HECW2: variants seen among roughly 807,000 people sequenced by gnomAD.
The protein encoded by HECW2 is E3 ubiquitin-protein ligase HECW2.
A neutral mutation model predicts 175.2 loss-of-function variants in HECW2; 61 were observed. The ratio of observed to expected loss-of-function variants is 0.35; its 90% CI spans 0.28 to 0.43. HECW2 has a LOEUF of 0.43. HECW2 is among the 20% of genes least tolerant of loss of function. The probability of loss-of-function intolerance (pLI) is 1.00; values close to 1 mark genes in which losing one functional copy is unlikely to be tolerated. For synonymous variants in HECW2, 671 were observed against 731.0 expected (o/e 0.92, Z 1.32); for missense variants, 1,524 against 2,000.5 (o/e 0.76, Z 4.54).
intron 1 of HECW2, among the ~76,000 whole-genome samples, chr2:196,521,282 CAAAAAAAAAAAAA>C (rs1158051512): frequency 1.9e-5 from 1 of 53,694 alleles, no homozygotes; most frequent in African/African-American, 5.3e-5. Flanking sequence ...ACGTGAGTAA[CAAAAAAAAAAAAA>C]AAAAAAAAAA....
chr2:196,454,506 A>G (rs1367980584), intron 1 of HECW2, among the ~76,000 whole-genome samples: 1 of 152,178 alleles, frequency 6.6e-6, no homozygotes, highest in East Asian at 1.9e-4. Flanking sequence ...CCTCACATTC[A>G]TTATTGCACA....
intron 1 of HECW2, among the ~76,000 whole-genome samples, chr2:196,506,402 G>A (rs1470914877): frequency 6.6e-6 from 1 of 152,144 alleles, no homozygotes; most frequent in Non-Finnish European, 1.5e-5. Context: ...GATGTATAAC[G>A]AAACTAATTT....
intron 2 of HECW2, among the ~76,000 whole-genome samples, chr2:196,354,296 C>T (rs1693282374): frequency 6.6e-6 from 1 of 152,226 alleles, no homozygotes; most frequent in Non-Finnish European, 1.5e-5. Context: ...CCACCGCATT[C>T]CCATCAGGGT....
intron 2 of HECW2, among the ~76,000 whole-genome samples, chr2:196,418,969 T>C (rs907690369): frequency 6.6e-6 from 1 of 152,190 alleles, no homozygotes; most frequent in African/African-American, 2.4e-5. Context: ...CATGGAATCA[T>C]CCTCAATAAA....
At chr2:196,538,561 G>A (rs889562615) in intron 1 of HECW2, among the ~76,000 whole-genome samples, 2 of 152,102 alleles carry the variant, frequency 1.3e-5, no homozygotes, top group African/African-American at 4.8e-5. Context: ...GATTAGTCTT[G>A]TATCAGGGAA....
chr2:196,446,276 T>C (rs1696183356), intron 1 of HECW2, among the ~76,000 whole-genome samples: 1 of 152,236 alleles, frequency 6.6e-6, no homozygotes, highest in Non-Finnish European at 1.5e-5. Context: ...TTCATGGTTT[T>C]ACCAAATGGC....
At chr2:196,472,350 G>T (rs1308436066) in intron 1 of HECW2, among the ~76,000 whole-genome samples, 1 of 151,072 alleles carries the variant, frequency 6.6e-6, no homozygotes, top group Non-Finnish European at 1.5e-5. Context: ...GGGTGGTCAG[G>T]GGCGGGGGGC....
intron 1 of HECW2, among the ~76,000 whole-genome samples, chr2:196,545,638 T>TAAC (rs2125474333): frequency 6.6e-6 from 1 of 152,324 alleles, no homozygotes; most frequent in East Asian, 1.9e-4. Context: ...CACCTGCCAC[T>TAAC]AACACAGTCT....
intron 2 of HECW2, among the ~76,000 whole-genome samples, chr2:196,350,636 T>C (rs1206961564): frequency 6.7e-6 from 1 of 150,006 alleles, no homozygotes; most frequent in Non-Finnish European, 1.5e-5. Context: ...ATTCATTCAT[T>C]TGACAGGTAT....
chr2:196,290,104 T>G (rs1326066759), intron 14 of HECW2: 2 of 152,168 alleles, frequency 1.3e-5, no homozygotes, highest in East Asian at 3.8e-4. Flanking sequence ...CAAACAGGAT[T>G]CTAATGTAAA....
intron 19 of HECW2, among the ~76,000 whole-genome samples, chr2:196,246,131 C>T (rs9808117): frequency 0.05 from 7,591 of 152,176 alleles, 614 homozygotes; most frequent in African/African-American, 0.17. Flanking sequence ...GCATAATTTG[C>T]AACACGAAGG....
chr2:196,200,548 GATTA>G lies in HECW2; in HGVS notation c.*725_*728del, dbSNP rs1251736106. The G allele has an allele frequency of 6.6e-6, 1 of 152,648 alleles. No individual in the cohort carries two copies. The highest frequency in any genetic ancestry group is 1.9e-4 in the East Asian group (1 of 5,192). The allele number at this position is 152,648 out of a possible 1,614,324, so 9.5% of individuals were successfully genotyped here. Reference sequence around the variant, plus strand: ...TGTGTACTTTTTCCTGATATGCTGTGATTAATTGCTAGTTATTTTAAAATTGTTT... The same window carrying G: ...TGTGTACTTTTTCCTGATATGCTGTGATTGCTAGTTATTTTAAAATTGTTT... On this transcript the variant is annotated 3_prime_UTR_variant, in exon 29 of 29. Transcript: ENST00000644978.
chr2:196,409,574 T>C (rs1272542359), intron 2 of HECW2, among the ~76,000 whole-genome samples: 1 of 152,182 alleles, frequency 6.6e-6, no homozygotes, highest in African/African-American at 2.4e-5. Flanking sequence ...AACTTAGTCA[T>C]AGTTCTAAAG....
In HECW2 at chr2:196,223,828, C is replaced by T. The variant is rs190339202; in HGVS notation, c.4017-1488G>A. ...GGCCAAAATAAGATAAGGGCTCTAACTAGGGCTGTGCTATTAAGGTTGGAG... is the reference window on the plus strand; with the variant it reads ...GGCCAAAATAAGATAAGGGCTCTAATTAGGGCTGTGCTATTAAGGTTGGAG... On this transcript the variant is annotated intron_variant, in intron 23 of 28. Transcript: ENST00000644978. Among the ~76,000 whole-genome samples the T allele has an allele frequency of 6.4e-4, 97 of 152,174 alleles. 1 individual carries two copies. The highest frequency in any genetic ancestry group is 1.3e-4 in the Non-Finnish European group (9 of 68,016).
intron 1 of HECW2, among the ~76,000 whole-genome samples, chr2:196,458,459 C>CAT (rs1456981577): frequency 6.6e-6 from 1 of 151,524 alleles, no homozygotes; most frequent in Admixed American, 6.6e-5. Context: ...CACACACACA[C>CAT]ATACACACAC....
At chr2:196,379,198 G>A (rs1475164203) in intron 2 of HECW2, among the ~76,000 whole-genome samples, 1 of 152,076 alleles carries the variant, frequency 6.6e-6, no homozygotes, top group Non-Finnish European at 1.5e-5. Flanking sequence ...TAAAACTAAT[G>A]CACTCTAAAT....
chr2:196,576,442 G>A (rs1424119130), intron 1 of HECW2, among the ~76,000 whole-genome samples: 2 of 152,184 alleles, frequency 1.3e-5, no homozygotes, highest in African/African-American at 4.8e-5. Flanking sequence ...AAGACATTAT[G>A]CTAAGTGAAA....
At chr2:196,278,133 A>AATATATATATATATATATATAT (rs71009094) in intron 15 of HECW2, among the ~76,000 whole-genome samples, 1 of 66,552 alleles carries the variant, frequency 1.5e-5, no homozygotes, top group African/African-American at 4.1e-5. Context: ...ATAATTAAAA[A>AATATATATATATATATATATAT]ATATATATAT....
intron 1 of HECW2, among the ~76,000 whole-genome samples, chr2:196,557,161 C>T (rs920719598): frequency 6.6e-6 from 1 of 152,070 alleles, no homozygotes; most frequent in Non-Finnish European, 1.5e-5. Flanking sequence ...TTTGGGAGCC[C>T]GAGGTGGGCG....
Sources: gnomAD v4.1 joint callset for allele counts (sites outside exome capture counted in the v4.1 genomes callset) on GRCh38, gnomAD v4.1.1 for gene constraint, MANE v1.5 for transcripts, NCBI Gene and HGNC (gene_info 2026-07-23, HGNC 2026-07-21) for gene names.